Variants in EHBP1 observed in about 807,000 individuals in gnomAD.
EHBP1 encodes the protein EH domain binding protein 1, also known as EH domain-binding protein 1.
A neutral mutation model predicts 144.0 loss-of-function variants in EHBP1; 55 were observed. The ratio of observed to expected loss-of-function variants is 0.38; its 90% CI spans 0.31 to 0.48. The LOEUF is 0.48. Among genes scored for constraint, EHBP1 ranks in the 20% least tolerant of loss-of-function variants. The pLI, the probability that EHBP1 is intolerant of heterozygous loss-of-function variation, is 0.98. For missense variants in EHBP1, 1,200 were observed against 1,364.2 expected, an observed-to-expected ratio of 0.88 and a Z score of 1.90; for synonymous variants, 469 against 472.7, an observed-to-expected ratio of 0.99 and a Z score of 0.10.
intron 1 of EHBP1, among the ~76,000 whole-genome samples, chr2:62,690,050 A>G (rs886780869): frequency 3.3e-5 from 5 of 152,192 alleles, no homozygotes; most frequent in Non-Finnish European, 7.3e-5. Flanking sequence ...GGTATTGTCT[A>G]TAATAGTTGA....
chr2:62,863,300 C>T (rs1037062202), intron 8 of EHBP1, among the ~76,000 whole-genome samples: 2 of 146,324 alleles, frequency 1.4e-5, no homozygotes, highest in East Asian at 2.1e-4. Flanking sequence ...CACACACACA[C>T]GTACCATTGT....
At position 62,683,593 on chromosome 2, in the gene EHBP1, A is replaced by G. The variant is rs532855207; in HGVS notation, c.-296+9510A>G. On this transcript the variant is annotated intron_variant, in intron 1 of 22. Coordinates refer to the EHBP1 transcript ENST00000405015. ...AGAATGGTGTGAATCCGGGAGACGG[A>G]GGTTGCAGTGAGCTGAGATCGCGCC... 1.4e-3 allele frequency among the ~76,000 whole-genome samples: 186 copies of G among 128,832 alleles called. 1 individual carries two copies. The highest frequency in any genetic ancestry group is 4.3e-3 in the Middle Eastern group (1 of 230). 84.5% of individuals were successfully genotyped at this position (128,832 alleles called of 152,430 possible).
intron 12 of EHBP1, among the ~76,000 whole-genome samples, chr2:62,947,530 C>T (rs1241538742): frequency 2.0e-5 from 3 of 152,074 alleles, no homozygotes; most frequent in South Asian, 2.1e-4. Context: ...TTAATGCTTC[C>T]TAGCAACACA....
intron 2 of EHBP1, among the ~76,000 whole-genome samples, chr2:62,733,348 T>C (rs2037797689): frequency 6.6e-6 from 1 of 152,228 alleles, no homozygotes. Flanking sequence ...TGTTGTCTTG[T>C]AGTTTCTCTA....
In EHBP1 at chr2:62,973,869, C is replaced by T. The variant is rs141824513; in HGVS notation, c.2461-5319C>T. ...CAAAAATTAGCCAGGCATGGTGGCA[C>T]ACACCTGTGGTCCCAGCTACTCGGG... On this transcript the variant is annotated intron_variant, in intron 14 of 22. Transcript: ENST00000431489. Among the ~76,000 whole-genome samples the T allele has an allele frequency of 3.3e-3, 495 of 152,168 alleles. 6 individuals are homozygous for T. Among genetic ancestry groups the T allele is most frequent in the African/African-American group, 0.011 (474 of 41,522 alleles).
chr2:62,911,886 T>G (rs980592572), intron 10 of EHBP1, among the ~76,000 whole-genome samples: 2 of 152,192 alleles, frequency 1.3e-5, no homozygotes, highest in Non-Finnish European at 2.9e-5. Flanking sequence ...AGAAGTAACA[T>G]TCTCCCAAAA....
chr2:62,718,744 A>C (rs757616492), intron 2 of EHBP1, among the ~76,000 whole-genome samples: 1 of 152,212 alleles, frequency 6.6e-6, no homozygotes, highest in Non-Finnish European at 1.5e-5. Flanking sequence ...GGTACTCCAG[A>C]AAGTGTTTAT....
intron 2 of EHBP1, among the ~76,000 whole-genome samples, chr2:62,738,808 A>G (rs753992619): frequency 9.9e-5 from 15 of 152,156 alleles, no homozygotes; most frequent in Admixed American, 3.9e-4. Context: ...TATGTATTAA[A>G]TATTCCTTTG....
intron 2 of EHBP1, among the ~76,000 whole-genome samples, chr2:62,727,901 G>A (rs2036994044): frequency 6.6e-6 from 1 of 152,158 alleles, no homozygotes; most frequent in Admixed American, 6.5e-5. Context: ...GAGGTGCAAG[G>A]ACTCTTTAGC....
intron 1 of EHBP1, among the ~76,000 whole-genome samples, chr2:62,682,736 A>T (rs894897276): frequency 2.0e-5 from 3 of 152,184 alleles, no homozygotes; most frequent in Non-Finnish European, 2.9e-5. Flanking sequence ...CTGAGAAGCT[A>T]TACTGCCTGA....
intron 5 of EHBP1, among the ~76,000 whole-genome samples, chr2:62,821,477 C>T (rs2045976558): frequency 6.6e-6 from 1 of 152,022 alleles, no homozygotes; most frequent in Non-Finnish European, 1.5e-5. Context: ...TCGCTTGAAC[C>T]CAGGAGTTCA....
At chr2:62,938,668 A>G (rs901521471) in intron 10 of EHBP1, among the ~76,000 whole-genome samples, 2 of 152,176 alleles carry the variant, frequency 1.3e-5, no homozygotes, top group Non-Finnish European at 2.9e-5. Flanking sequence ...AAAGCAATAA[A>G]TTACAAAGTC....
At chr2:62,681,340 G>GTATATATATATATATATATATATATTA (rs768323831) in intron 1 of EHBP1, among the ~76,000 whole-genome samples, 1 of 58,552 alleles carries the variant, frequency 1.7e-5, no homozygotes, top group African/African-American at 8.6e-5. Context: ...ATGTGTGTGT[G>GTATATATATATATATATATATATATTA]TATATATATA....
intron 10 of EHBP1, among the ~76,000 whole-genome samples, chr2:62,879,487 A>G (rs1485098015): frequency 6.6e-6 from 1 of 151,778 alleles, no homozygotes. Flanking sequence ...CTATACAACT[A>G]CAAGTCTATA....
At chr2:62,681,043 T>A (rs931020510) in intron 1 of EHBP1, among the ~76,000 whole-genome samples, 3 of 151,916 alleles carry the variant, frequency 2.0e-5, no homozygotes, top group Non-Finnish European at 4.4e-5. Context: ...CCGGGCGTGA[T>A]GGCTCATGCC....
At chr2:62,869,499 T>C (rs987221547) in intron 9 of EHBP1, among the ~76,000 whole-genome samples, 1 of 152,226 alleles carries the variant, frequency 6.6e-6, no homozygotes, top group Non-Finnish European at 1.5e-5. Flanking sequence ...AAGATCATTA[T>C]ACTGAGTGAA....
chr2:62,858,446 A>G lies in EHBP1; in HGVS notation c.635-723A>G. On this transcript the variant is annotated intron_variant, in intron 7 of 22. Coordinates refer to ENST00000431489, the MANE Select transcript of EHBP1 (RefSeq NM_001142616.3). ...TGAATGCTCTGAGCAGCTTAGATGA[A>G]GATCAAGATGACTGCATAAAGCAAG... 1.9e-6 allele frequency: 3 copies of G among 1,611,408 alleles called. No individual in the cohort carries two copies. The South Asian group carries it at 3.3e-5, about 18-fold the overall frequency.
intron 5 of EHBP1, among the ~76,000 whole-genome samples, chr2:62,814,626 T>C (rs1409198513): frequency 6.6e-6 from 1 of 152,224 alleles, no homozygotes; most frequent in African/African-American, 2.4e-5. Context: ...ACTGAGACTC[T>C]AGAAGGGTAT....
chr2:62,674,603 T>A (rs2033218993), intron 1 of EHBP1, among the ~76,000 whole-genome samples: 1 of 152,258 alleles, frequency 6.6e-6, no homozygotes, highest in Non-Finnish European at 1.5e-5. Context: ...TTATGACCTA[T>A]AAGTTTTCTA....
Sources: gnomAD v4.1 joint callset for allele counts (sites outside exome capture counted in the v4.1 genomes callset) on GRCh38, gnomAD v4.1.1 for gene constraint, MANE v1.5 for transcripts, NCBI Gene and HGNC (gene_info 2026-07-23, HGNC 2026-07-21) for gene names.